GULP1: variants seen among roughly 807,000 people sequenced by gnomAD.
GULP1 encodes the protein PTB domain-containing engulfment adapter protein 1.
Under a neutral mutation model 40.9 loss-of-function variants are expected in GULP1, and 19 were observed. That is an observed-to-expected ratio of 0.46 (90% CI 0.32 to 0.68). The LOEUF (loss-of-function observed/expected upper bound fraction) is 0.68, where lower values mean the gene tolerates loss of function less well. GULP1 is among the 30% of genes least tolerant of loss of function. GULP1 has a pLI of 0.03. For synonymous variants in GULP1, 119 were observed against 117.6 expected (o/e 1.01, Z -0.08); for missense variants, 312 against 362.2 (o/e 0.86, Z 1.12).
intron 4 of GULP1, among the ~76,000 whole-genome samples, chr2:188,503,325 C>G (rs754065087): frequency 7.2e-5 from 11 of 151,804 alleles, no homozygotes; most frequent in Non-Finnish European, 1.2e-4. Context: ...TTAATTGACT[C>G]ACAGTTCTGT....
chr2:188,521,969 G>A (rs936050807), intron 4 of GULP1, among the ~76,000 whole-genome samples: 10 of 152,006 alleles, frequency 6.6e-5, no homozygotes, highest in Non-Finnish European at 1.0e-4. Flanking sequence ...CCAGCTACTC[G>A]GGAGGCTGAG....
At chr2:188,412,294 C>G (rs2053996608) in intron 2 of GULP1, among the ~76,000 whole-genome samples, 1 of 152,038 alleles carries the variant, frequency 6.6e-6, no homozygotes, top group South Asian at 2.1e-4. Context: ...TTAACCGCCC[C>G]CATGATTAAA....
chr2:188,395,858 G>C (rs1448169375), intron 2 of GULP1, among the ~76,000 whole-genome samples: 1 of 152,138 alleles, frequency 6.6e-6, no homozygotes, highest in African/African-American at 2.4e-5. Context: ...CAGCTCTGGT[G>C]GGGGTAGCAG....
At chr2:188,458,147 T>C (rs2152950262) in intron 2 of GULP1, among the ~76,000 whole-genome samples, 1 of 152,278 alleles carries the variant, frequency 6.6e-6, no homozygotes, top group East Asian at 1.9e-4. Context: ...TTTCCATGAG[T>C]CAGCCTTCCC....
chr2:188,366,588 C>CTTTTTT (rs34745549), intron 1 of GULP1, among the ~76,000 whole-genome samples: 15 of 84,056 alleles, frequency 1.8e-4, no homozygotes, highest in East Asian at 3.8e-4. Context: ...CAGTTACTTT[C>CTTTTTT]TTTTTTTTTT....
At chr2:188,508,664 T>G (rs1000746784) in intron 4 of GULP1, among the ~76,000 whole-genome samples, 1 of 151,888 alleles carries the variant, frequency 6.6e-6, no homozygotes, top group Admixed American at 6.6e-5. Flanking sequence ...CCCAGCAGAT[T>G]CCTTTCAGCC....
chr2:188,390,112 ACTT>A (rs1023568869), intron 2 of GULP1, among the ~76,000 whole-genome samples: 2 of 152,114 alleles, frequency 1.3e-5, no homozygotes, highest in Admixed American at 6.6e-5. Flanking sequence ...TTTTGTTATG[ACTT>A]CTTCTACTTT....
intron 1 of GULP1, among the ~76,000 whole-genome samples, chr2:188,333,115 T>C (rs902805791): frequency 6.6e-6 from 1 of 151,830 alleles, no homozygotes; most frequent in African/African-American, 2.4e-5. Flanking sequence ...CATGGTGGTG[T>C]GTGCCTGCAG....
At chr2:188,382,231 G>A (rs1219852790) in intron 1 of GULP1, among the ~76,000 whole-genome samples, 1 of 152,102 alleles carries the variant, frequency 6.6e-6, no homozygotes, top group Non-Finnish European at 1.5e-5. Context: ...AAGTTCCAGG[G>A]AATTAATGCC....
chr2:188,513,950 T>C (rs556912149), intron 4 of GULP1, among the ~76,000 whole-genome samples: 4 of 152,114 alleles, frequency 2.6e-5, no homozygotes, highest in South Asian at 2.1e-4. Flanking sequence ...TCCCCATATC[T>C]GCGTGGGTTT....
intron 4 of GULP1, among the ~76,000 whole-genome samples, chr2:188,500,325 C>T (rs532696828): frequency 6.6e-5 from 10 of 152,014 alleles, no homozygotes; most frequent in South Asian, 4.1e-4. Flanking sequence ...ATAAGGGACA[C>T]AGATAAAGCC....
At chr2:188,421,862 A>G (rs1287249103) in intron 2 of GULP1, among the ~76,000 whole-genome samples, 1 of 152,172 alleles carries the variant, frequency 6.6e-6, no homozygotes, top group Non-Finnish European at 1.5e-5. Flanking sequence ...TAATTTTAGA[A>G]ATATCATTTG....
At chr2:188,368,623 T>A (rs2047122925) in intron 1 of GULP1, among the ~76,000 whole-genome samples, 1 of 150,942 alleles carries the variant, frequency 6.6e-6, no homozygotes, top group East Asian at 2.0e-4. Context: ...AAAATAGACT[T>A]TAGTTAAAAA....
chr2:188,516,408 C>A (rs966639747), intron 4 of GULP1, among the ~76,000 whole-genome samples: 5 of 151,882 alleles, frequency 3.3e-5, no homozygotes, highest in African/African-American at 9.7e-5. Context: ...TCTCTGGAAT[C>A]TTTTGTGATT....
At chr2:188,540,639 G>A (rs1690229396) in intron 6 of GULP1, among the ~76,000 whole-genome samples, 1 of 151,952 alleles carries the variant, frequency 6.6e-6, no homozygotes, top group African/African-American at 2.4e-5. Flanking sequence ...GAGTGTATGA[G>A]TTACCATGAA....
At chr2:188,517,726 T>C (rs1177802289) in intron 4 of GULP1, among the ~76,000 whole-genome samples, 1 of 152,084 alleles carries the variant, frequency 6.6e-6, no homozygotes, top group Non-Finnish European at 1.5e-5. Flanking sequence ...CTCGGTCTGT[T>C]TTCCTCAGGG....
intron 2 of GULP1, among the ~76,000 whole-genome samples, chr2:188,443,460 A>G (rs1314067844): frequency 2.0e-5 from 3 of 152,110 alleles, no homozygotes; most frequent in Admixed American, 1.3e-4. Flanking sequence ...ATTCAACACA[A>G]TGGCTACCAT....
intron 2 of GULP1, among the ~76,000 whole-genome samples, chr2:188,407,017 A>G (rs1015929609): frequency 1.3e-5 from 2 of 152,146 alleles, no homozygotes; most frequent in African/African-American, 2.4e-5. Context: ...GAGAAGAAAC[A>G]TATCACACAT....
At chr2:188,379,749 AAG>A (rs1352889379) in intron 1 of GULP1, among the ~76,000 whole-genome samples, 1 of 152,178 alleles carries the variant, frequency 6.6e-6, no homozygotes, top group African/African-American at 2.4e-5. Flanking sequence ...TTTTATACAA[AAG>A]AGTTTCCTAT....
Sources: gnomAD v4.1 joint callset for allele counts (sites outside exome capture counted in the v4.1 genomes callset) on GRCh38, gnomAD v4.1.1 for gene constraint, MANE v1.5 for transcripts, NCBI Gene and HGNC (gene_info 2026-07-23, HGNC 2026-07-21) for gene names.